Variants in NELL1 observed in about 807,000 individuals in gnomAD.
NELL1 encodes protein kinase C-binding protein NELL1.
Under a neutral mutation model 107.4 loss-of-function variants are expected in NELL1, and 76 were observed. That is an observed-to-expected ratio of 0.71 (90% CI 0.59 to 0.86). NELL1 has a LOEUF of 0.86. Ranked by LOEUF, NELL1 falls within the 40% of genes least tolerant of loss-of-function variation. The pLI is 0.00. For missense variants in NELL1, 1,024 were observed against 1,005.5 expected, an observed-to-expected ratio of 1.02 and a Z score of -0.25; for synonymous variants, 353 against 341.2, an observed-to-expected ratio of 1.03 and a Z score of -0.38.
chr11:20,818,747 G>T (rs1230881444), intron 3 of NELL1, among the ~76,000 whole-genome samples: 1 of 152,140 alleles, frequency 6.6e-6, no homozygotes, highest in Non-Finnish European at 1.5e-5. Flanking sequence ...GGGCCACTGG[G>T]CATGTAAGCC....
At chr11:21,429,534 A>G (rs1048395761) in intron 15 of NELL1, among the ~76,000 whole-genome samples, 2 of 152,208 alleles carry the variant, frequency 1.3e-5, no homozygotes, top group African/African-American at 4.8e-5. Context: ...CCCACCTTCA[A>G]TGCAGTGCAT....
At chr11:21,381,422 T>TA (rs1851604127) in intron 15 of NELL1, among the ~76,000 whole-genome samples, 1 of 151,908 alleles carries the variant, frequency 6.6e-6, no homozygotes, top group Non-Finnish European at 1.5e-5. Context: ...GGTTTGCCAC[T>TA]AAAAAAAGAA....
intron 13 of NELL1, among the ~76,000 whole-genome samples, chr11:21,138,912 C>G (rs998558223): frequency 6.6e-6 from 1 of 152,044 alleles, no homozygotes; most frequent in African/African-American, 2.4e-5. Flanking sequence ...GCATCCAGCT[C>G]GTCATAGTCC....
At chr11:21,369,235 G>T (rs1177718495) in intron 14 of NELL1, among the ~76,000 whole-genome samples, 1 of 151,806 alleles carries the variant, frequency 6.6e-6, no homozygotes, top group Non-Finnish European at 1.5e-5. Flanking sequence ...ACACTTTACT[G>T]TTCTTTGAAA....
intron 14 of NELL1, among the ~76,000 whole-genome samples, chr11:21,318,052 T>C (rs1590831767): frequency 6.6e-6 from 1 of 152,142 alleles, no homozygotes; most frequent in Non-Finnish European, 1.5e-5. Flanking sequence ...CAGCTATTAA[T>C]CCTGGAAGAT....
chr11:20,724,683 A>C (rs1612149), intron 2 of NELL1, among the ~76,000 whole-genome samples: 113,675 of 152,050 alleles, frequency 0.75, 43,165 homozygotes, highest in Middle Eastern at 0.84. Flanking sequence ...GACATTCCAA[A>C]CTTTCCCACA....
At chr11:21,460,229 T>A (rs1025073457) in intron 15 of NELL1, among the ~76,000 whole-genome samples, 4 of 152,116 alleles carry the variant, frequency 2.6e-5, no homozygotes, top group Middle Eastern at 3.4e-3. Context: ...AAGCATCAGG[T>A]AAATGTTTGT....
chr11:21,238,445 A>G (rs996066673), intron 14 of NELL1, among the ~76,000 whole-genome samples: 1 of 152,108 alleles, frequency 6.6e-6, no homozygotes, highest in African/African-American at 2.4e-5. Flanking sequence ...GCAGTCATAT[A>G]TTGAAGAATG....
chr11:21,181,150 A>AT (rs2133823908), intron 13 of NELL1, among the ~76,000 whole-genome samples: 1 of 151,994 alleles, frequency 6.6e-6, no homozygotes, highest in South Asian at 2.1e-4. Flanking sequence ...ATTTGTCATC[A>AT]TTGAGATTTT....
intron 6 of NELL1, 67 bp from the exon 7 acceptor site, chr11:20,919,185 G>C: frequency 9.7e-7 from 1 of 1,027,790 alleles, no homozygotes; most frequent in Non-Finnish European, 1.4e-6. Flanking sequence ...CGTATCTACT[G>C]TTTTAAAATT....
chr11:21,165,202 A>G (rs576258548), intron 13 of NELL1, among the ~76,000 whole-genome samples: 2 of 152,298 alleles, frequency 1.3e-5, no homozygotes, highest in East Asian at 1.9e-4. Context: ...TGCCTATGGT[A>G]TGTCCTATGG....
Position 20,981,588 on chromosome 11 carries a change from C to T in NELL1, c.1300+21028C>T, listed in dbSNP as rs769987784. Among the ~76,000 whole-genome samples the T allele has an allele frequency of 3.9e-5, 6 of 152,166 alleles. No individual in the cohort carries two copies. In the East Asian group the frequency reaches 7.7e-4, roughly 20 times the overall value. ...CAGAGCCATACTGGGGGCTGTTTCT[C>T]AATTTTGTGAATAGTTTGCAAAAAT... On this transcript the variant is annotated intron_variant, in intron 12 of 19. Coordinates refer to ENST00000357134, the MANE Select transcript of NELL1 (RefSeq NM_006157.5).
At position 21,319,494 on chromosome 11, in the gene NELL1, T is replaced by TTATATATATATATATATATATA. The variant is rs143740709; in HGVS notation, c.1550-51357_1550-51336dup. 1.3e-4 allele frequency among the ~76,000 whole-genome samples: 18 copies of TTATATATATATATATATATATA among 135,626 alleles called. 1 individual carries two copies. Among genetic ancestry groups the TTATATATATATATATATATATA allele is most frequent in the Non-Finnish European group, 1.9e-4 (12 of 63,910 alleles). The allele number at this position is 135,626 out of a possible 152,430, so 89.0% of individuals were successfully genotyped here. A position where few individuals can be genotyped will look rare whatever the true frequency, so the allele number is the denominator to read the frequency against. On this transcript the variant is annotated intron_variant, in intron 14 of 19. Coordinates refer to ENST00000357134, the MANE Select transcript of NELL1 (RefSeq NM_006157.5). ...CATGAGCCACCATGCCCAGCTAAATTTATATATATATATATATATATATTT... is the reference window on the plus strand; with the variant it reads ...CATGAGCCACCATGCCCAGCTAAATTTATATATATATATATATATATATATATATATATATATATATATATTT...
intron 9 of NELL1, among the ~76,000 whole-genome samples, chr11:20,935,075 T>A (rs1850695386): frequency 6.6e-6 from 1 of 152,196 alleles, no homozygotes; most frequent in Non-Finnish European, 1.5e-5. Context: ...ATTGGAAAAT[T>A]ATTATTACTC....
intron 5 of NELL1, among the ~76,000 whole-genome samples, chr11:20,916,255 A>G (rs1850253734): frequency 6.6e-6 from 1 of 151,946 alleles, no homozygotes; most frequent in Non-Finnish European, 1.5e-5. Context: ...TGTAACATAC[A>G]CACGCAGGTA....
intron 12 of NELL1, among the ~76,000 whole-genome samples, chr11:21,000,283 T>C (rs1852188049): frequency 6.6e-6 from 1 of 152,170 alleles, no homozygotes; most frequent in South Asian, 2.1e-4. Flanking sequence ...AAAAGAATCT[T>C]AATCCAGTTT....
intron 12 of NELL1, among the ~76,000 whole-genome samples, chr11:21,083,845 C>A (rs1443044994): frequency 6.6e-6 from 1 of 151,940 alleles, no homozygotes; most frequent in African/African-American, 2.4e-5. Context: ...TATTGTCTTG[C>A]CAATGACAAA....
chr11:20,800,882 C>A (rs962990372), intron 3 of NELL1, among the ~76,000 whole-genome samples: 9 of 152,182 alleles, frequency 5.9e-5, no homozygotes, highest in Non-Finnish European at 1.3e-4. Context: ...GTTGAAACTG[C>A]AGGCCATAGT....
intron 15 of NELL1, among the ~76,000 whole-genome samples, chr11:21,433,810 G>A (rs940941794): frequency 6.6e-6 from 1 of 152,034 alleles, no homozygotes; most frequent in African/African-American, 2.4e-5. Context: ...GTAGTAGTTG[G>A]GATTACATGC....
Sources: allele counts gnomAD v4.1 joint callset (sites outside exome capture counted in the v4.1 genomes callset), GRCh38; gene constraint gnomAD v4.1.1; transcripts MANE v1.5; gene names NCBI Gene and HGNC (gene_info 2026-07-23, HGNC 2026-07-21).